Variants in PPM1L observed in about 807,000 individuals in gnomAD.
PPM1L encodes the protein protein phosphatase, Mg2+/Mn2+ dependent 1L, also known as protein phosphatase 1L.
PPM1L carries 13 observed loss-of-function variants against 31.4 expected under a neutral mutation model. The observed-to-expected ratio is 0.41, with a 90% CI of 0.27 to 0.66. The LOEUF (loss-of-function observed/expected upper bound fraction) is 0.66, where lower values mean the gene tolerates loss of function less well. Among genes scored for constraint, PPM1L ranks in the 30% least tolerant of loss-of-function variants. The pLI, the probability that PPM1L is intolerant of heterozygous loss-of-function variation, is 0.29. For missense variants in PPM1L, 326 were observed against 453.7 expected, an observed-to-expected ratio of 0.72 and a Z score of 2.56; for synonymous variants, 184 against 175.4, an observed-to-expected ratio of 1.05 and a Z score of -0.39.
At chr3:161,054,256 TGTCA>T (rs1362299041) in intron 2 of PPM1L, among the ~76,000 whole-genome samples, 1 of 152,136 alleles carries the variant, frequency 6.6e-6, no homozygotes, top group Non-Finnish European at 1.5e-5. Flanking sequence ...GATGTTTTGT[TGTCA>T]GTGTTTCACT....
intron 1 of PPM1L, among the ~76,000 whole-genome samples, chr3:160,941,044 C>T (rs560286817): frequency 1.6e-4 from 25 of 152,248 alleles, no homozygotes; most frequent in Admixed American, 5.2e-4. Flanking sequence ...AGTCAAAGAT[C>T]GTTTTGGAGC....
At chr3:160,891,715 C>G (rs1293595870) in intron 1 of PPM1L, among the ~76,000 whole-genome samples, 3 of 152,168 alleles carry the variant, frequency 2.0e-5, no homozygotes, top group Admixed American at 1.3e-4. Context: ...TATTGCAGCA[C>G]TATTTACAAC....
At chr3:160,926,965 C>T (rs1324719932) in intron 1 of PPM1L, among the ~76,000 whole-genome samples, 1 of 152,190 alleles carries the variant, frequency 6.6e-6, no homozygotes, top group African/African-American at 2.4e-5. Context: ...AATCATTGAT[C>T]CTCAGTGCCT....
At chr3:160,960,518 C>T (rs1016090284) in intron 1 of PPM1L, among the ~76,000 whole-genome samples, 32 of 151,022 alleles carry the variant, frequency 2.1e-4, no homozygotes, top group African/African-American at 7.3e-4. Context: ...GCCCCAGATA[C>T]CATCTTTTTG....
intron 2 of PPM1L, among the ~76,000 whole-genome samples, chr3:161,024,719 G>C (rs1435134926): frequency 6.7e-6 from 1 of 148,596 alleles, no homozygotes; most frequent in Non-Finnish European, 1.5e-5. Context: ...AAAAAAGGAA[G>C]CTCTGCAAAT....
intron 1 of PPM1L, among the ~76,000 whole-genome samples, chr3:160,794,314 G>A (rs1712182512): frequency 1.3e-5 from 2 of 152,118 alleles, no homozygotes; most frequent in South Asian, 4.1e-4. Flanking sequence ...TAGTTGATGA[G>A]TGGGGAAAAG....
chr3:160,964,542 G>A (rs542844322), intron 2 of PPM1L, among the ~76,000 whole-genome samples: 8 of 152,000 alleles, frequency 5.3e-5, no homozygotes, highest in Admixed American at 2.0e-4. Flanking sequence ...ACAGAAGAAA[G>A]TGCACATATA....
At chr3:160,784,813 A>G (rs2108068867) in intron 1 of PPM1L, among the ~76,000 whole-genome samples, 1 of 152,334 alleles carries the variant, frequency 6.6e-6, no homozygotes, top group South Asian at 2.1e-4. Flanking sequence ...TTGAAAGGAA[A>G]GTACTTTTAT....
intron 1 of PPM1L, among the ~76,000 whole-genome samples, chr3:160,950,761 G>A (rs1280354893): frequency 6.6e-6 from 1 of 152,206 alleles, no homozygotes; most frequent in African/African-American, 2.4e-5. Flanking sequence ...TACTGTCATA[G>A]CTTCAGAGTT....
intron 1 of PPM1L, among the ~76,000 whole-genome samples, chr3:160,861,194 A>G (rs1352666293): frequency 3.3e-5 from 5 of 152,182 alleles, no homozygotes; most frequent in African/African-American, 1.2e-4. Context: ...ACTGTGCAGC[A>G]CCTCTGTGGC....
At chr3:160,942,116 A>G (rs1715182437) in intron 1 of PPM1L, among the ~76,000 whole-genome samples, 1 of 152,218 alleles carries the variant, frequency 6.6e-6, no homozygotes, top group African/African-American at 2.4e-5. Flanking sequence ...CTAACTACAG[A>G]TGCATGCTTC....
chr3:161,006,110 A>C (rs1450352033), intron 2 of PPM1L, among the ~76,000 whole-genome samples: 2 of 152,228 alleles, frequency 1.3e-5, no homozygotes, highest in African/African-American at 4.8e-5. Context: ...AACAGCCCAA[A>C]TGTCCATCAA....
intron 2 of PPM1L, among the ~76,000 whole-genome samples, chr3:161,064,973 C>A (rs1719679860): frequency 6.6e-6 from 1 of 151,898 alleles, no homozygotes. Flanking sequence ...CATTTCTAGG[C>A]CCTCCTAGAA....
chr3:160,799,659 C>T (rs943210740), intron 1 of PPM1L, among the ~76,000 whole-genome samples: 3 of 152,144 alleles, frequency 2.0e-5, no homozygotes, highest in Admixed American at 6.5e-5. Flanking sequence ...CCTGCATGTT[C>T]GTATCCTGTA....
intron 2 of PPM1L, among the ~76,000 whole-genome samples, chr3:160,980,981 T>C (rs1716778527): frequency 6.6e-6 from 1 of 152,130 alleles, no homozygotes; most frequent in Admixed American, 6.5e-5. Context: ...TGGAGAGGAT[T>C]ACCTATTATT....
Position 160,855,711 on chromosome 3 carries a change from A to G in PPM1L, c.399+99004A>G, listed in dbSNP as rs1167795380. Among the ~76,000 whole-genome samples the G allele has an allele frequency of 2.0e-5, 3 of 152,206 alleles. No homozygotes were observed. The East Asian group carries it at 5.8e-4, about 29-fold the overall frequency. ...GTGATTATTGAAAAGTCAAAAAACAACAGATGCTGGCGAGGTTGTGGAGAA... is the reference window on the plus strand; with the variant it reads ...GTGATTATTGAAAAGTCAAAAAACAGCAGATGCTGGCGAGGTTGTGGAGAA... On this transcript the variant is annotated intron_variant, in intron 1 of 3. Coordinates refer to ENST00000498165, the MANE Select transcript of PPM1L (RefSeq NM_139245.4).
chr3:160,841,641 C>A (rs1240321415), intron 1 of PPM1L, among the ~76,000 whole-genome samples: 2 of 152,140 alleles, frequency 1.3e-5, no homozygotes, highest in Non-Finnish European at 2.9e-5. Context: ...GCAGCACAGT[C>A]ATATTTTAGG....
chr3:161,008,155 TCTAA>T (rs1188087569), intron 2 of PPM1L, among the ~76,000 whole-genome samples: 4 of 152,174 alleles, frequency 2.6e-5, no homozygotes, highest in Non-Finnish European at 2.9e-5. Flanking sequence ...TAAATATTAC[TCTAA>T]CTTTCCCTCC....
rs1005606041 is a variant in PPM1L at position 160,884,476 on chromosome 3, A to C, written c.400-77260A>C. On this transcript the variant is annotated intron_variant, in intron 1 of 3. Transcript: ENST00000498165. ...TGGAGACAGTAGAAATGAAGCAGCC[A>C]TTAAACTTTGTGACCTATGTGCTGT... 1.3e-5 allele frequency among the ~76,000 whole-genome samples: 2 copies of C among 152,260 alleles called. 1 individual carries two copies. The highest frequency in any genetic ancestry group is 1.3e-4 in the Admixed American group (2 of 15,290).
Sources: gnomAD v4.1 joint callset for allele counts (sites outside exome capture counted in the v4.1 genomes callset) on GRCh38, gnomAD v4.1.1 for gene constraint, MANE v1.5 for transcripts, NCBI Gene and HGNC (gene_info 2026-07-23, HGNC 2026-07-21) for gene names.